BMPR2: variants seen among roughly 807,000 people sequenced by gnomAD.
The protein encoded by BMPR2 is bone morphogenetic protein receptor type-2.
In BMPR2, 29 loss-of-function variants were observed where a neutral mutation model predicts 100.8. The observed-to-expected ratio is 0.29, with a 90% confidence interval of 0.21 to 0.39. BMPR2 has a LOEUF of 0.39. Among genes scored for constraint, BMPR2 ranks in the 10% least tolerant of loss-of-function variants. The pLI, the probability that BMPR2 is intolerant of heterozygous loss-of-function variation, is 1.00. For synonymous variants in BMPR2, 382 were observed against 442.3 expected (o/e 0.86, Z 1.71); for missense variants, 1,011 against 1,274.5 (o/e 0.79, Z 3.15).
intron 1 of BMPR2, among the ~76,000 whole-genome samples, chr2:202,391,291 TTTGTTG>T (rs34935440): frequency 4.5e-4 from 68 of 151,582 alleles, no homozygotes; most frequent in African/African-American, 1.4e-3. Flanking sequence ...GTCTTATAGT[TTTGTTG>T]TTGTTGTTGT....
rs146946722 is a variant in BMPR2, at chr2:202,502,542, A to G, written c.419-11177A>G. 3.3e-3 allele frequency among the ~76,000 whole-genome samples: 502 copies of G among 152,146 alleles called. 11 individuals carry two copies. The highest frequency in any genetic ancestry group is 1.4e-3 in the African/African-American group (59 of 41,400). On this transcript the variant is annotated intron_variant, in intron 3 of 12. Transcript: ENST00000374580. ...CCTTTAAAAGCCAGGGTAAATTTCTATCTACCCAGCCAAGGCATATTCTAC... is the reference window on the plus strand; with the variant it reads ...CCTTTAAAAGCCAGGGTAAATTTCTGTCTACCCAGCCAAGGCATATTCTAC...
chr2:202,393,874 T>TGAGAGA (rs1452564596), intron 1 of BMPR2, among the ~76,000 whole-genome samples: 12 of 76,724 alleles, frequency 1.6e-4, no homozygotes, highest in African/African-American at 5.0e-4. Context: ...ATTAAGGTAA[T>TGAGAGA]GAGAGAGCGA....
chr2:202,498,834 T>A (rs578041809), intron 3 of BMPR2, among the ~76,000 whole-genome samples: 1 of 152,266 alleles, frequency 6.6e-6, no homozygotes, highest in East Asian at 1.9e-4. Flanking sequence ...CTTGACCTTT[T>A]CTCTAAGAGG....
intron 5 of BMPR2, among the ~76,000 whole-genome samples, chr2:202,516,716 C>T (rs1348375563): frequency 2.0e-5 from 3 of 151,912 alleles, no homozygotes; most frequent in African/African-American, 7.2e-5. Context: ...AAGAAATGTA[C>T]AGTAAGATGT....
chr2:202,421,559 G>A (rs996163229), intron 1 of BMPR2, among the ~76,000 whole-genome samples: 8 of 147,038 alleles, frequency 5.4e-5, no homozygotes, highest in Non-Finnish European at 7.5e-5. Flanking sequence ...GGAGAATGGC[G>A]TGAACCTGGG....
rs886055484 is a variant in BMPR2, at chr2:202,563,740, T to A, written c.*3794T>A. The A allele has an allele frequency of 6.6e-6, 1 of 151,790 alleles. No homozygotes were observed. Among genetic ancestry groups the A allele is most frequent in the African/African-American group, 2.4e-5 (1 of 41,454 alleles). The allele number at this position is 151,790 out of a possible 1,614,324, so 9.4% of individuals were successfully genotyped here. On this transcript the variant is annotated 3_prime_UTR_variant, in exon 13 of 13. Coordinates refer to ENST00000374580, the MANE Select transcript of BMPR2 (RefSeq NM_001204.7). Reference sequence around the variant, plus strand: ...TGGGAACAGAGACCTTTCCCTAAATTGATTCCATAGCAGATTTGGGGGAAT... The same window carrying A: ...TGGGAACAGAGACCTTTCCCTAAATAGATTCCATAGCAGATTTGGGGGAAT...
At chr2:202,428,579 T>C (rs1429917480) in intron 1 of BMPR2, among the ~76,000 whole-genome samples, 1 of 151,392 alleles carries the variant, frequency 6.6e-6, no homozygotes, top group Non-Finnish European at 1.5e-5. Flanking sequence ...TTAAAAAAGT[T>C]TTTTTTTTGG....
chr2:202,536,407 C>T (rs1688158632), intron 9 of BMPR2, among the ~76,000 whole-genome samples: 1 of 152,010 alleles, frequency 6.6e-6, no homozygotes, highest in African/African-American at 2.4e-5. Context: ...AGCCACCGCA[C>T]CAGGCCAAAC....
At chr2:202,531,928 G>GGATT (rs1688037198) in intron 8 of BMPR2, among the ~76,000 whole-genome samples, 1 of 51,262 alleles carries the variant, frequency 2.0e-5, no homozygotes, top group Non-Finnish European at 4.2e-5. Context: ...ACGCCCAGCT[G>GGATT]TATTTTTTTT....
chr2:202,514,074 G>T (rs1023356170), intron 4 of BMPR2, among the ~76,000 whole-genome samples: 1 of 151,660 alleles, frequency 6.6e-6, no homozygotes, highest in African/African-American at 2.4e-5. Flanking sequence ...TATTTAATTA[G>T]ATATTATATA....
At chr2:202,514,048 A>G (rs1266404353) in intron 4 of BMPR2, among the ~76,000 whole-genome samples, 2 of 152,112 alleles carry the variant, frequency 1.3e-5, no homozygotes, top group Non-Finnish European at 2.9e-5. Flanking sequence ...AATCACAGAT[A>G]TCATATATCT....
At chr2:202,399,076 C>T (rs1574427742) in intron 1 of BMPR2, among the ~76,000 whole-genome samples, 2 of 151,700 alleles carry the variant, frequency 1.3e-5, no homozygotes, top group South Asian at 2.1e-4. Context: ...TATGGTGAGC[C>T]GAGATCGTGC....
rs561018380 is a variant in BMPR2 at position 202,431,175 on chromosome 2, C to G, written c.77-33634C>G. Among the ~76,000 whole-genome samples the G allele has an allele frequency of 2.0e-5, 3 of 150,654 alleles. No individual in the cohort carries two copies. In the East Asian group the frequency reaches 5.8e-4, roughly 29 times the overall value. ...TTTAATGTTTTGGTGTCCATCATGT[C>G]TCCTTTGCTGGAGCAATAATAGATT... is the stretch of plus-strand genomic sequence containing the variant. On this transcript the variant is annotated intron_variant, in intron 1 of 12. Coordinates refer to ENST00000374580, the MANE Select transcript of BMPR2 (RefSeq NM_001204.7).
intron 1 of BMPR2, among the ~76,000 whole-genome samples, chr2:202,456,366 G>A (rs550320553): frequency 9.2e-4 from 139 of 151,352 alleles, no homozygotes; most frequent in African/African-American, 3.2e-3. Context: ...TTTTAGTAGC[G>A]ATGGGGTTTC....
rs1409298955 is a variant in BMPR2, at chr2:202,552,643, T to C, written c.1414-73T>C. The C allele has an allele frequency of 2.7e-6, 4 of 1,508,434 alleles. No individual in the cohort carries two copies. The African/African-American group carries it at 4.1e-5, about 16-fold the overall frequency. 93.4% of individuals were successfully genotyped at this position (1,508,434 alleles called of 1,614,324 possible). ...GGTAATTGATTTTTCTTTTACCTCA[T>C]GTGGTAAACTGAAAAGCTCAATACA... is the stretch of plus-strand genomic sequence containing the variant. On this transcript the variant is annotated intron_variant, in intron 10 of 12. Coordinates refer to ENST00000374580, the MANE Select transcript of BMPR2 (RefSeq NM_001204.7).
At chr2:202,535,020 T>G in intron 9 of BMPR2, among the ~76,000 whole-genome samples, 2 of 133,600 alleles carry the variant, frequency 1.5e-5, no homozygotes. Context: ...ACGGGTCGGC[T>G]GGCCGGGCGG....
In BMPR2 at chr2:202,552,901, G is replaced by A; in HGVS notation, c.1586+13G>A. Reference sequence around the variant, plus strand: ...TGCAGAATGAACGGTAAGACCCTAAGGGGTGTGGCATCTATCAATCAGTAT... The same window carrying A: ...TGCAGAATGAACGGTAAGACCCTAAAGGGTGTGGCATCTATCAATCAGTAT... On this transcript the variant is annotated intron_variant, in intron 11 of 12. Coordinates refer to ENST00000374580, the MANE Select transcript of BMPR2 (RefSeq NM_001204.7). The A allele has an allele frequency of 1.2e-6, 2 of 1,614,096 alleles. No homozygotes were observed. Among genetic ancestry groups the A allele is most frequent in the Non-Finnish European group, 1.7e-6 (2 of 1,179,982 alleles).
chr2:202,559,843 G>T lies in BMPR2; in HGVS notation c.3014G>T (p.Ser1005Ile). The T allele has an allele frequency of 2.5e-6, 4 of 1,614,190 alleles. No homozygotes were observed. The highest frequency in any genetic ancestry group is 3.4e-6 in the Non-Finnish European group (4 of 1,180,032). The change falls in exon 13 of 13, where the codon AGT becomes ATT. Residue 1005 changes from serine to isoleucine, a missense_variant. By Grantham distance (142) the Ser-to-Ile change is moderately radical. This residue lies in a region of BMPR2 where 58 missense variants were observed against 72.3 expected (regional missense o/e 0.80). Coordinates refer to ENST00000374580, the MANE Select transcript of BMPR2 (RefSeq NM_001204.7). ...GACTGTGAAGTCAACAATAATGGCA[G>T]TAACAGGGCAGTTCATTCCAAATCC... ...SLDCEVNNNG[S>I]NRAVHSKSST...
chr2:202,524,314 A>G (rs1687869428), intron 7 of BMPR2, among the ~76,000 whole-genome samples: 1 of 150,806 alleles, frequency 6.6e-6, no homozygotes, highest in Non-Finnish European at 1.5e-5. Context: ...GTGAGCCGAG[A>G]TCGCGCCACT....
Sources: gnomAD v4.1 joint callset for allele counts (sites outside exome capture counted in the v4.1 genomes callset) on GRCh38, gnomAD v4.1.1 for gene constraint, gnomAD v4.1.1 regional missense constraint, MANE v1.5 for transcripts, NCBI Gene and HGNC (gene_info 2026-07-23, HGNC 2026-07-21) for gene names.